The following VWF variants were observed in gnomAD, a reference collection of about 807,000 sequenced individuals.
VWF encodes the protein von Willebrand factor.
VWF carries 176 observed loss-of-function variants against 308.6 expected under a neutral mutation model. The observed-to-expected ratio is 0.57, with a 90% CI of 0.50 to 0.65. The LOEUF (loss-of-function observed/expected upper bound fraction) is 0.65, where lower values mean the gene tolerates loss of function less well. Ranked by LOEUF, VWF falls within the 30% of genes least tolerant of loss-of-function variation. The probability of loss-of-function intolerance (pLI) is 0.00; values close to 1 mark genes in which losing one functional copy is unlikely to be tolerated. For missense variants in VWF, 3,146 were observed against 3,648.2 expected, an observed-to-expected ratio of 0.86 and a Z score of 3.55; for synonymous variants, 1,385 against 1,443.4, an observed-to-expected ratio of 0.96 and a Z score of 0.92.
chr12:5,960,419 G>C (rs1327041054), intron 47 of VWF, among the ~76,000 whole-genome samples: 1 of 152,110 alleles, frequency 6.6e-6, no homozygotes, highest in Non-Finnish European at 1.5e-5. Context: ...GATGAAATCT[G>C]CCAAACATTT....
In VWF at chr12:6,067,687, C is replaced by G. The variant is rs77759119; in HGVS notation, c.1157-2414G>C. 8.9e-4 allele frequency among the ~76,000 whole-genome samples: 136 copies of G among 152,290 alleles called. 1 individual carries two copies. In the East Asian group the frequency reaches 0.025, roughly 28 times the overall value. ...GGCCATGCGAACACGCTCACCCATC[C>G]TCCACCCAGGATGGGACACTAGGAT... On this transcript the variant is annotated intron_variant, in intron 10 of 51. Coordinates refer to ENST00000261405, the MANE Select transcript of VWF (RefSeq NM_000552.5).
chr12:5,989,294 C>T (rs1943711731), intron 38 of VWF, among the ~76,000 whole-genome samples: 1 of 152,162 alleles, frequency 6.6e-6, no homozygotes, highest in African/African-American at 2.4e-5. Context: ...TCTGAAATTA[C>T]TACAATAGTT....
chr12:6,012,682 C>CAT (rs1555194348), intron 32 of VWF, among the ~76,000 whole-genome samples: 18 of 143,798 alleles, frequency 1.3e-4, no homozygotes, highest in African/African-American at 4.5e-4. Flanking sequence ...ACAAAAAAAG[C>CAT]GTGTGTGTGT....
intron 47 of VWF, among the ~76,000 whole-genome samples, chr12:5,964,015 GGTTA>G (rs2136349512): frequency 6.8e-6 from 1 of 146,392 alleles, no homozygotes; most frequent in African/African-American, 2.8e-5. Flanking sequence ...AGACCATTCT[GGTTA>G]ACACGGTGAA....
At position 5,985,718 on chromosome 12, in the gene VWF, C is replaced by G. The variant is rs549260029; in HGVS notation, c.6799-53G>C. On this transcript the variant is annotated intron_variant, in intron 38 of 51. Transcript: ENST00000261405. ...GCACAGGACATTCTAGGTACGAAGC[C>G]CAGAATTCACAGAGGTCAGCTCTCC... 3.4e-5 allele frequency: 53 copies of G among 1,551,876 alleles called. No individual in the cohort carries two copies. In the East Asian group the frequency reaches 1.1e-3, roughly 33 times the overall value.
rs147497461 is a variant in VWF, at chr12:6,001,206, C to G, written c.5843-4984G>C. Among the ~76,000 whole-genome samples, 10 of 152,214 alleles carry G rather than the reference C, an allele frequency of 6.6e-5. No homozygotes were observed. In the East Asian group the frequency reaches 1.9e-3, roughly 29 times the overall value. On this transcript the variant is annotated intron_variant, in intron 34 of 51. Transcript: ENST00000261405. ...GACAGGAACAAAAGCATAAACCTTC[C>G]TAGACACCTTAACGTATCACCACAT...
At chr12:6,097,187 A>G (rs1266274325) in intron 5 of VWF, among the ~76,000 whole-genome samples, 1 of 152,206 alleles carries the variant, frequency 6.6e-6, no homozygotes, top group Non-Finnish European at 1.5e-5. Flanking sequence ...CCTGTAATCC[A>G]GCACTTTGGG....
At chr12:6,112,957 A>G (rs978388229) in intron 3 of VWF, among the ~76,000 whole-genome samples, 7 of 152,148 alleles carry the variant, frequency 4.6e-5, no homozygotes, top group Non-Finnish European at 1.0e-4. Flanking sequence ...TTCTGGTGGA[A>G]ATTCAGTGAG....
chr12:6,022,200 T>C (rs1944137003), intron 26 of VWF, among the ~76,000 whole-genome samples, 165 bp from the exon 27 acceptor site: 2 of 152,058 alleles, frequency 1.3e-5, no homozygotes, highest in African/African-American at 2.4e-5. Flanking sequence ...GCATCTCTCC[T>C]GCTTGTGCCT....
intron 13 of VWF, among the ~76,000 whole-genome samples, chr12:6,061,163 T>C (rs1944650602): frequency 6.6e-6 from 1 of 152,158 alleles, no homozygotes; most frequent in South Asian, 2.1e-4. Flanking sequence ...ATCGTGCCAC[T>C]GCCCTCCAGC....
chr12:5,964,405 CGTACCCCCAAAAA>C (rs1397091714), intron 47 of VWF, among the ~76,000 whole-genome samples: 1 of 152,192 alleles, frequency 6.6e-6, no homozygotes, highest in Non-Finnish European at 1.5e-5. Context: ...TTTCCACCTT[CGTACCCCCAAAAA>C]ACAGAAAGAA....
intron 47 of VWF, among the ~76,000 whole-genome samples, chr12:5,954,502 G>A (rs139559889): frequency 4.6e-5 from 7 of 152,292 alleles, no homozygotes; most frequent in South Asian, 2.1e-4. Flanking sequence ...CATGAGGGCC[G>A]TCTGTATGGC....
At chr12:6,021,516 T>A (rs2136416082) in intron 27 of VWF, 1 of 195,500 alleles carries the variant, frequency 5.1e-6, no homozygotes, top group East Asian at 1.3e-4. Context: ...CACTTTCCTC[T>A]CCTGAGTCCC....
Position 6,024,742 on chromosome 12 carries a change from G to A in VWF, c.3222+838C>T, listed in dbSNP as rs1944171006. 6.6e-6 allele frequency among the ~76,000 whole-genome samples: 1 copy of A among 152,192 alleles called. No homozygotes were observed. The highest frequency in any genetic ancestry group is 6.5e-5 in the Admixed American group (1 of 15,282). On this transcript the variant is annotated intron_variant, in intron 24 of 51. Coordinates refer to ENST00000261405, the MANE Select transcript of VWF (RefSeq NM_000552.5). The surrounding 1 kb of genome is among the most constrained non-coding windows in gnomAD (Gnocchi z 4.0). ...AGCAGATAAGAGACAACTGCACTAT[G>A]GTCGGGCATGGTGGCTCACACCTGT...
intron 50 of VWF, among the ~76,000 whole-genome samples, chr12:5,951,515 C>G (rs1195141896): frequency 6.6e-6 from 1 of 152,132 alleles, no homozygotes; most frequent in African/African-American, 2.4e-5. Context: ...CAGGATAGGA[C>G]TATGAGCAAT....
intron 47 of VWF, among the ~76,000 whole-genome samples, chr12:5,964,855 A>G (rs1303386382): frequency 6.6e-6 from 1 of 152,144 alleles, no homozygotes; most frequent in Non-Finnish European, 1.5e-5. Context: ...AAGAAAAGGG[A>G]AAGGAGGCAG....
intron 46 of VWF, among the ~76,000 whole-genome samples, chr12:5,967,886 A>C (rs1349401252): frequency 6.6e-6 from 1 of 152,210 alleles, no homozygotes; most frequent in Non-Finnish European, 1.5e-5. Flanking sequence ...ACACAGAAGA[A>C]ATGCACAGGT....
At chr12:5,979,740 CA>C (rs1235571644) in intron 42 of VWF, among the ~76,000 whole-genome samples, 8 of 138,896 alleles carry the variant, frequency 5.8e-5, no homozygotes, top group Non-Finnish European at 6.3e-5. Flanking sequence ...CAGAGCGACT[CA>C]AAAAAAAAAG....
At chr12:5,963,218 A>G (rs772632740) in intron 47 of VWF, among the ~76,000 whole-genome samples, 1 of 152,360 alleles carries the variant, frequency 6.6e-6, no homozygotes, top group Middle Eastern at 3.4e-3. Flanking sequence ...ATATTTCATT[A>G]GATACCTTAT....
Sources: allele counts gnomAD v4.1 joint callset (sites outside exome capture counted in the v4.1 genomes callset), GRCh38; gene constraint gnomAD v4.1.1; non-coding constraint Gnocchi (gnomAD v3.1); transcripts MANE v1.5; gene names NCBI Gene and HGNC (gene_info 2026-07-23, HGNC 2026-07-21).